Variants in GRIK2 observed in about 807,000 individuals in gnomAD.
GRIK2 encodes the protein glutamate receptor ionotropic, kainate 2.
GRIK2 carries 32 observed loss-of-function variants against 100.3 expected under a neutral mutation model. The observed-to-expected ratio is 0.32, with a 90% CI of 0.24 to 0.43. The LOEUF (loss-of-function observed/expected upper bound fraction) is 0.43. Ranked by LOEUF, GRIK2 falls within the 20% of genes least tolerant of loss-of-function variation. The pLI, the probability that GRIK2 is intolerant of heterozygous loss-of-function variation, is 1.00. For missense variants in GRIK2, 843 were observed against 1,114.9 expected, an observed-to-expected ratio of 0.76 and a Z score of 3.47; for synonymous variants, 417 against 389.4, an observed-to-expected ratio of 1.07 and a Z score of -0.83.
chr6:101,414,334 T>C (rs1387890966), intron 2 of GRIK2, among the ~76,000 whole-genome samples: 1 of 152,222 alleles, frequency 6.6e-6, no homozygotes, highest in Non-Finnish European at 1.5e-5. Flanking sequence ...ACTAGACCTC[T>C]AGTATCAAAT....
chr6:102,001,741 G>T (rs117400722), intron 14 of GRIK2, among the ~76,000 whole-genome samples: 3,774 of 151,832 alleles, frequency 0.025, 73 homozygotes, highest in Middle Eastern at 0.048. Flanking sequence ...TGTTACTACT[G>T]TACCTAAAAC....
At chr6:101,793,739 G>A (rs1780071780) in intron 7 of GRIK2, among the ~76,000 whole-genome samples, 1 of 152,176 alleles carries the variant, frequency 6.6e-6, no homozygotes. Context: ...TCTCTTCAAA[G>A]CTGTCAGACA....
Position 101,626,362 on chromosome 6 carries a change from C to A in GRIK2, c.284-18C>A, listed in dbSNP as rs751917108. On this transcript the variant is annotated intron_variant, in intron 3 of 16. Coordinates refer to ENST00000369134, the MANE Select transcript of GRIK2 (RefSeq NM_021956.5). ...CACCTCTCCTCTCATTATTGACAGA[C>A]CTTTATCTCCTCTTCAGCCTGTGAT... 14 of 1,604,228 alleles carry A rather than the reference C, an allele frequency of 8.7e-6. No homozygotes were observed. The South Asian group carries it at 1.1e-4, about 13-fold the overall frequency.
chr6:101,945,474 G>T (rs1013359100), intron 14 of GRIK2, among the ~76,000 whole-genome samples: 1 of 152,058 alleles, frequency 6.6e-6, no homozygotes, highest in African/African-American at 2.4e-5. Context: ...TAACCCATGA[G>T]CATGTACTTT....
At chr6:101,812,955 A>G (rs1781425741) in intron 9 of GRIK2, among the ~76,000 whole-genome samples, 1 of 152,090 alleles carries the variant, frequency 6.6e-6, no homozygotes, top group South Asian at 2.1e-4. Context: ...AATTTAAGAA[A>G]AGAACCATTG....
At chr6:101,666,223 G>C (rs997787796) in intron 4 of GRIK2, among the ~76,000 whole-genome samples, 4 of 152,176 alleles carry the variant, frequency 2.6e-5, no homozygotes, top group Admixed American at 6.6e-5. Flanking sequence ...CGGAAGGAGT[G>C]CATAGGGAAG....
chr6:101,796,470 T>G (rs967933046), intron 7 of GRIK2, among the ~76,000 whole-genome samples: 1 of 152,128 alleles, frequency 6.6e-6, no homozygotes, highest in Non-Finnish European at 1.5e-5. Context: ...CACACAATTT[T>G]ACAAAGAAGA....
intron 11 of GRIK2, among the ~76,000 whole-genome samples, chr6:101,874,693 G>C (rs1785686977): frequency 6.6e-6 from 1 of 151,910 alleles, no homozygotes; most frequent in Non-Finnish European, 1.5e-5. Flanking sequence ...TGGGCAGTAT[G>C]GCCATTTTCA....
intron 7 of GRIK2, among the ~76,000 whole-genome samples, chr6:101,772,373 G>A (rs990908105): frequency 2.0e-5 from 3 of 152,164 alleles, no homozygotes; most frequent in African/African-American, 7.2e-5. Flanking sequence ...AGTGGAAGAG[G>A]ATTCTGCTGC....
intron 7 of GRIK2, among the ~76,000 whole-genome samples, chr6:101,781,589 C>CATAT (rs1169426001): frequency 2.6e-5 from 4 of 152,022 alleles, no homozygotes; most frequent in African/African-American, 9.7e-5. Flanking sequence ...CTGGTATATA[C>CATAT]ATACATACAT....
At chr6:101,683,744 T>C (rs1771462953) in intron 6 of GRIK2, among the ~76,000 whole-genome samples, 2 of 152,222 alleles carry the variant, frequency 1.3e-5, no homozygotes, top group South Asian at 4.1e-4. Flanking sequence ...AAAACACTTT[T>C]AATTGTTGTG....
chr6:101,487,327 C>A lies in GRIK2; in HGVS notation c.115+87935C>A, dbSNP rs190925906. On this transcript the variant is annotated intron_variant, in intron 2 of 16. Transcript: ENST00000369134. ...AAAGACACTGACCATTCTAGGACGG[C>A]TGCTTCTCACCAGCCTTACAAATGT... Among the ~76,000 whole-genome samples, 100 of 146,444 alleles carry A rather than the reference C, an allele frequency of 6.8e-4. 11 individuals are homozygous for A. The highest frequency in any genetic ancestry group is 1.1e-3 in the Non-Finnish European group (74 of 66,546).
chr6:101,534,490 A>T (rs1290697531), intron 2 of GRIK2, among the ~76,000 whole-genome samples: 1 of 151,848 alleles, frequency 6.6e-6, no homozygotes, highest in Non-Finnish European at 1.5e-5. Flanking sequence ...ATCTAAAGGA[A>T]CCTGGTTGTT....
chr6:101,473,834 C>CA (rs887914945), intron 2 of GRIK2, among the ~76,000 whole-genome samples: 29 of 151,882 alleles, frequency 1.9e-4, no homozygotes, highest in Admixed American at 7.9e-4. Flanking sequence ...ATAGAAGGCA[C>CA]AAAAAATGAA....
Position 101,912,688 on chromosome 6 carries a change from G to A in GRIK2, c.1749-11913G>A, listed in dbSNP as rs1788824605. On this transcript the variant is annotated intron_variant, in intron 12 of 16. Transcript: ENST00000369134. ...ATCTAGTTTCATGTTGTTTTTCCTTGTGTCATTAAAAAATACCTTGTTCCC... is the reference window on the plus strand; with the variant it reads ...ATCTAGTTTCATGTTGTTTTTCCTTATGTCATTAAAAAATACCTTGTTCCC... 2.0e-5 allele frequency among the ~76,000 whole-genome samples: 3 copies of A among 151,442 alleles called. No individual in the cohort carries two copies. In the South Asian group the frequency reaches 6.2e-4, roughly 31 times the overall value.
chr6:101,478,838 A>G (rs1447857998), intron 2 of GRIK2, among the ~76,000 whole-genome samples: 1 of 152,086 alleles, frequency 6.6e-6, no homozygotes, highest in Non-Finnish European at 1.5e-5. Context: ...TGAATTTAAC[A>G]TCCATTTTGC....
intron 11 of GRIK2, among the ~76,000 whole-genome samples, chr6:101,879,909 G>A (rs538033163): frequency 7.2e-5 from 11 of 152,018 alleles, no homozygotes; most frequent in East Asian, 2.0e-4. Context: ...CATCAGTGAC[G>A]TTTTGACTTT....
intron 2 of GRIK2, among the ~76,000 whole-genome samples, chr6:101,619,255 G>C (rs936428090): frequency 6.6e-6 from 1 of 150,796 alleles, no homozygotes; most frequent in African/African-American, 2.4e-5. Flanking sequence ...GTCTTAAAAG[G>C]TTGCGTTATC....
chr6:101,872,329 G>A lies in GRIK2; in HGVS notation c.1524+12836G>A, dbSNP rs577477514. On this transcript the variant is annotated intron_variant, in intron 11 of 16. Transcript: ENST00000369134. ...CGACTCACAGTTCCACATGGCTGGG[G>A]AGGCATCAGGAGACTTACAATCCTA... is the stretch of plus-strand genomic sequence containing the variant. Among the ~76,000 whole-genome samples the A allele has an allele frequency of 4.6e-5, 7 of 152,016 alleles. No homozygotes were observed. In the East Asian group the frequency reaches 7.7e-4, roughly 17 times the overall value.
Sources: allele counts gnomAD v4.1 joint callset (sites outside exome capture counted in the v4.1 genomes callset), GRCh38; gene constraint gnomAD v4.1.1; transcripts MANE v1.5; gene names NCBI Gene and HGNC (gene_info 2026-07-23, HGNC 2026-07-21).